The following NPIPB5 variants were observed in gnomAD, a reference collection of about 807,000 sequenced individuals.
NPIPB5 encodes the protein nuclear pore complex-interacting protein family member B5.
For synonymous variants in NPIPB5, 1 was observed against 168.2 expected, an observed-to-expected ratio of 0.01 and a Z score of 7.69; for missense variants, 10 against 414.7, an observed-to-expected ratio of 0.02 and a Z score of 8.48.
chr16:22,528,276 T>C (rs1187837211), intron 4 of NPIPB5, among the ~76,000 whole-genome samples: 58 of 66,946 alleles, frequency 8.7e-4, no homozygotes, highest in Non-Finnish European at 1.4e-3. Context: ...GCCCAGGCTG[T>C]AGTGCAATGG....
upstream of NPIPB5, among the ~76,000 whole-genome samples, chr16:22,510,956 C>T (rs1400710596): frequency 6.5e-5 from 1 of 15,374 alleles, no homozygotes. Context: ...CTACAACCTC[C>T]GCATCCTGGG....
chr16:22,514,901 T>C (rs994138775), intron 1 of NPIPB5, among the ~76,000 whole-genome samples: 193 of 16,014 alleles, frequency 0.012, 2 homozygotes, highest in Middle Eastern at 0.033. Flanking sequence ...CACACACACA[T>C]ATTTTTTGAG....
At chr16:22,534,653 T>C (rs2049898340) in exon 7 of NPIPB5, 1 of 1,556,962 alleles carries the variant, frequency 6.4e-7, no homozygotes, top group Non-Finnish European at 8.6e-7. Context: ...GAGCGTCAGC[T>C]CACTCCCCTT....
intron 1 of NPIPB5, among the ~76,000 whole-genome samples, chr16:22,517,865 G>A (rs2141911902): frequency 7.6e-6 from 1 of 132,216 alleles, no homozygotes. Context: ...CATGGCTGCA[G>A]CATATAAAAA....
rs980149522 is a variant in NPIPB5 at position 22,517,928 on chromosome 16, G to A, written c.120+4007G>A. On this transcript the variant is annotated intron_variant, in intron 1 of 6. Coordinates refer to ENST00000424340, the Ensembl canonical transcript of NPIPB5. ...CTGTTTTTTGTTTGTAGTTGTTGCT[G>A]TTTTTGAGACAGAGTCTCGCTCTGT... 6.5e-5 allele frequency among the ~76,000 whole-genome samples: 9 copies of A among 139,464 alleles called. 2 individuals are homozygous for A. The highest frequency in any genetic ancestry group is 1.3e-4 in the Non-Finnish European group (8 of 63,956). The allele number at this position is 139,464 out of a possible 152,430, so 91.5% of individuals were successfully genotyped here. A position where few individuals can be genotyped will look rare whatever the true frequency, so the allele number is the denominator to read the frequency against.
chr16:22,535,018 T>TTCCACCCTCAGC (rs1444173688), exon 7 of NPIPB5: 1 of 531,868 alleles, frequency 1.9e-6, no homozygotes, highest in Non-Finnish European at 3.2e-6. Flanking sequence ...CTCACTCCCC[T>TTCCACCCTCAGC]TCCACCCTCA....
intron 4 of NPIPB5, among the ~76,000 whole-genome samples, chr16:22,528,691 A>ATTTTTT (rs2049838929): frequency 1.2e-4 from 3 of 25,342 alleles, no homozygotes; most frequent in Non-Finnish European, 1.6e-4. Flanking sequence ...ACATTTGACC[A>ATTTTTT]ATTTTTTTTT....
At chr16:22,529,919 C>T (rs2049871409) in intron 4 of NPIPB5, among the ~76,000 whole-genome samples, 1 of 80,994 alleles carries the variant, frequency 1.2e-5, no homozygotes, top group East Asian at 3.3e-4. Context: ...GGACAGGACC[C>T]TGCTCCCATT....
At chr16:22,517,985 G>A (rs1286423524) in intron 1 of NPIPB5, among the ~76,000 whole-genome samples, 2 of 125,834 alleles carry the variant, frequency 1.6e-5, no homozygotes, top group African/African-American at 2.9e-5. Context: ...GTGCAATCTC[G>A]GCTCACTGCA....
chr16:22,514,897 CACAT>C (rs1295845117), intron 1 of NPIPB5, among the ~76,000 whole-genome samples: 30 of 42,122 alleles, frequency 7.1e-4, no homozygotes, highest in Non-Finnish European at 1.1e-3. Flanking sequence ...CACACACACA[CACAT>C]ATTTTTTGAG....
rs1471134889 is a variant in NPIPB5, at chr16:22,514,902, ATT to A, written c.120+986_120+987del. ...CACACACACACACACACACACACATATTTTTTGAGACAGAGTTTCACTCTGTC... is the reference window on the plus strand; with the variant it reads ...CACACACACACACACACACACACATATTTTGAGACAGAGTTTCACTCTGTC... On this transcript the variant is annotated intron_variant, in intron 1 of 6. Coordinates refer to ENST00000424340, the Ensembl canonical transcript of NPIPB5. Among the ~76,000 whole-genome samples the A allele has an allele frequency of 2.9e-3, 90 of 30,916 alleles. 1 individual carries two copies. The highest frequency in any genetic ancestry group is 4.5e-3 in the East Asian group (5 of 1,104). The allele number at this position is 30,916 out of a possible 152,430, so 20.3% of individuals were successfully genotyped here.
chr16:22,517,959 A>G (rs1457137176), intron 1 of NPIPB5, among the ~76,000 whole-genome samples: 4 of 134,854 alleles, frequency 3.0e-5, no homozygotes, highest in African/African-American at 1.1e-4. Context: ...TCTGTCGCCT[A>G]GGCTGGAGTG....
intron 4 of NPIPB5, among the ~76,000 whole-genome samples, chr16:22,528,692 A>ATTTGTTTTT (rs2049839457): frequency 2.0e-5 from 1 of 49,192 alleles, no homozygotes; most frequent in African/African-American, 9.8e-5. Context: ...CATTTGACCA[A>ATTTGTTTTT]TTTTTTTTTT....
In NPIPB5 at chr16:22,528,692, A is replaced by ATTTTTTTTTTTTTTT. The variant is rs1175345253; in HGVS notation, c.545+734_545+748dup. Among the ~76,000 whole-genome samples, 29 of 49,208 alleles carry ATTTTTTTTTTTTTTT rather than the reference A, an allele frequency of 5.9e-4. 2 individuals carry two copies. Among genetic ancestry groups the ATTTTTTTTTTTTTTT allele is most frequent in the African/African-American group, 8.8e-4 (9 of 10,218 alleles). 32.3% of individuals were successfully genotyped at this position (49,208 alleles called of 152,430 possible). A position where few individuals can be genotyped will look rare whatever the true frequency, so the allele number is the denominator to read the frequency against. On this transcript the variant is annotated intron_variant, in intron 4 of 6. Coordinates refer to ENST00000424340, the Ensembl canonical transcript of NPIPB5. Reference sequence around the variant, plus strand: ...AGGTGTGTGCCACCACATTTGACCAATTTTTTTTTTTTTTTTTTTTTTTTT... The same window carrying ATTTTTTTTTTTTTTT: ...AGGTGTGTGCCACCACATTTGACCAATTTTTTTTTTTTTTTTTTTTTTTTTTTTTTTTTTTTTTTT...
chr16:22,510,465 A>C (rs1303680285), upstream of NPIPB5, among the ~76,000 whole-genome samples: 3 of 10,702 alleles, frequency 2.8e-4, no homozygotes, highest in Non-Finnish European at 4.4e-4. Context: ...TCTACTAAAA[A>C]TACAAAAAAT....
chr16:22,529,115 G>A lies in NPIPB5; in HGVS notation c.545+1142G>A, dbSNP rs2049852376. On this transcript the variant is annotated intron_variant, in intron 4 of 6. Coordinates refer to ENST00000424340, the Ensembl canonical transcript of NPIPB5. ...CTCCCAGTGTGAGCCACCGCACCCA[G>A]CCTGGATTGTTGAATTCAATGCTTG... 2.7e-5 allele frequency among the ~76,000 whole-genome samples: 3 copies of A among 110,520 alleles called. No individual in the cohort carries two copies. In the South Asian group the frequency reaches 1.0e-3, roughly 37 times the overall value. 72.5% of individuals were successfully genotyped at this position (110,520 alleles called of 152,430 possible). A position where few individuals can be genotyped will look rare whatever the true frequency, so the allele number is the denominator to read the frequency against.
chr16:22,529,522 C>CA (rs1185915957), intron 4 of NPIPB5, among the ~76,000 whole-genome samples: 5 of 147,922 alleles, frequency 3.4e-5, no homozygotes, highest in African/African-American at 1.2e-4. Context: ...TAATCCCACG[C>CA]ATGTGTGCAA....
At chr16:22,528,517 CTTTTTTTTT>C (rs1194681081) in intron 4 of NPIPB5, among the ~76,000 whole-genome samples, 1 of 72,290 alleles carries the variant, frequency 1.4e-5, no homozygotes, top group South Asian at 5.5e-4. Flanking sequence ...CACAGCCAGC[CTTTTTTTTT>C]TTTTTTTTTT....
chr16:22,528,666 C>A, intron 4 of NPIPB5, among the ~76,000 whole-genome samples: 1 of 124,372 alleles, frequency 8.0e-6, no homozygotes, highest in Non-Finnish European at 1.6e-5. Flanking sequence ...GCTTGGATTA[C>A]AGGTGTGTGC....
Sources: allele counts gnomAD v4.1 joint callset (sites outside exome capture counted in the v4.1 genomes callset), GRCh38; gene constraint gnomAD v4.1.1; transcripts MANE v1.5; gene names NCBI Gene and HGNC (gene_info 2026-07-23, HGNC 2026-07-21).